RAP1GAP2: variants seen among roughly 807,000 people sequenced by gnomAD.
RAP1GAP2 encodes RAP1 GTPase activating protein 2, also known as rap1 GTPase-activating protein 2.
A neutral mutation model predicts 95.0 loss-of-function variants in RAP1GAP2; 27 were observed. The ratio of observed to expected loss-of-function variants is 0.28; its 90% CI spans 0.21 to 0.39. The LOEUF is 0.39. Ranked by LOEUF, RAP1GAP2 falls within the 10% of genes least tolerant of loss-of-function variation. RAP1GAP2 has a pLI of 1.00. For missense variants in RAP1GAP2, 771 were observed against 970.0 expected (o/e 0.79, Z 2.72); for synonymous variants, 373 against 380.9 (o/e 0.98, Z 0.24).
chr17:3,002,296 A>T (rs1286227373), intron 14 of RAP1GAP2, among the ~76,000 whole-genome samples: 1 of 152,184 alleles, frequency 6.6e-6, no homozygotes, highest in East Asian at 1.9e-4. Flanking sequence ...AAAGCACAGC[A>T]TTGTCCTCAG....
chr17:2,766,604 C>G (rs1166726082), intron 1 of RAP1GAP2, among the ~76,000 whole-genome samples: 1 of 150,756 alleles, frequency 6.6e-6, no homozygotes, highest in East Asian at 1.9e-4. Context: ...AGAAAGACTC[C>G]GTCTAAAAAA....
At chr17:2,907,399 G>C (rs1000667729) in intron 3 of RAP1GAP2, among the ~76,000 whole-genome samples, 2 of 152,202 alleles carry the variant, frequency 1.3e-5, no homozygotes, top group Non-Finnish European at 2.9e-5. Flanking sequence ...TGGGGACCTT[G>C]TAGTAAACCA....
chr17:2,884,290 G>A (rs531124698), intron 2 of RAP1GAP2, among the ~76,000 whole-genome samples: 2 of 151,856 alleles, frequency 1.3e-5, no homozygotes, highest in African/African-American at 4.8e-5. Context: ...TTCATTCTTT[G>A]CTTCTTCAAT....
At chr17:2,775,873 T>C (rs2068487279), upstream of RAP1GAP2, among the ~76,000 whole-genome samples, 1 of 152,112 alleles carries the variant, frequency 6.6e-6, no homozygotes, top group Non-Finnish European at 1.5e-5. Context: ...GGGATGTCTA[T>C]GGAGTGCATG....
intron 2 of RAP1GAP2, among the ~76,000 whole-genome samples, chr17:2,898,293 G>C (rs1345450206): frequency 1.3e-5 from 2 of 152,152 alleles, no homozygotes; most frequent in Non-Finnish European, 2.9e-5. Flanking sequence ...TGCTGGGATG[G>C]GCTGTGACCC....
At chr17:2,781,344 G>A (rs1440625784) in intron 1 of RAP1GAP2, among the ~76,000 whole-genome samples, 4 of 152,254 alleles carry the variant, frequency 2.6e-5, no homozygotes, top group Admixed American at 2.0e-4. Context: ...GAGCAGGAGG[G>A]GAGAGACAGG....
At position 2,877,548 on chromosome 17, in the gene RAP1GAP2, G is replaced by A. The variant is rs371908838; in HGVS notation, c.81-27736G>A. The stretch of plus-strand genomic sequence containing the variant: ...GGATCACCTGAGGTCAGGAGTTCAA[G>A]ACCAGCCTGGCCAACATGGTGAAAC... On this transcript the variant is annotated intron_variant, in intron 2 of 24. Coordinates refer to ENST00000254695, the MANE Select transcript of RAP1GAP2 (RefSeq NM_015085.5). Among the ~76,000 whole-genome samples the A allele has an allele frequency of 1.5e-4, 23 of 152,220 alleles. No individual in the cohort carries two copies. The East Asian group carries it at 3.7e-3, about 24-fold the overall frequency.
chr17:2,927,291 C>T (rs993563432), intron 3 of RAP1GAP2, among the ~76,000 whole-genome samples: 1,793 of 152,022 alleles, frequency 0.012, 15 homozygotes, highest in Non-Finnish European at 0.019. Flanking sequence ...GTAGCTGGGA[C>T]TACAGGCACC....
chr17:2,826,432 C>T (rs779384066), intron 2 of RAP1GAP2, among the ~76,000 whole-genome samples: 21 of 151,894 alleles, frequency 1.4e-4, no homozygotes, highest in Non-Finnish European at 2.5e-4. Flanking sequence ...CAGCCAGAGG[C>T]GAGGGTGGGG....
intron 3 of RAP1GAP2, among the ~76,000 whole-genome samples, chr17:2,927,223 G>A (rs1050168023): frequency 6.6e-5 from 10 of 150,944 alleles, no homozygotes; most frequent in South Asian, 2.1e-4. Flanking sequence ...GCGCGATCTC[G>A]GCTCACTGCA....
At position 2,822,627 on chromosome 17, in the gene RAP1GAP2, G is replaced by GTT. The variant is rs66503004; in HGVS notation, c.80+22099_80+22100dup. ...GGACAATAAAACCCTGTTTTTTTTT[G>GTT]TTTTTTTTTTTTTTTTTTTTTTTAA... On this transcript the variant is annotated intron_variant, in intron 2 of 24. Coordinates refer to ENST00000254695, the MANE Select transcript of RAP1GAP2 (RefSeq NM_015085.5). Among the ~76,000 whole-genome samples, 29 of 127,866 alleles carry GTT rather than the reference G, an allele frequency of 2.3e-4. 1 individual carries two copies. Among genetic ancestry groups the GTT allele is most frequent in the East Asian group, 2.1e-3 (8 of 3,810 alleles). The allele number at this position is 127,866 out of a possible 152,430, so 83.9% of individuals were successfully genotyped here. A position where few individuals can be genotyped will look rare whatever the true frequency, so the allele number is the denominator to read the frequency against.
chr17:2,979,378 C>T (rs2045257123), intron 8 of RAP1GAP2, among the ~76,000 whole-genome samples: 1 of 151,974 alleles, frequency 6.6e-6, no homozygotes. Context: ...ACACAAAAAC[C>T]TCCAAACAAA....
At chr17:2,862,042 A>G (rs2072418244) in intron 2 of RAP1GAP2, among the ~76,000 whole-genome samples, 1 of 152,046 alleles carries the variant, frequency 6.6e-6, no homozygotes, top group Admixed American at 6.6e-5. Context: ...TTCCTTCTGG[A>G]AGAGATTTTG....
intron 17 of RAP1GAP2, among the ~76,000 whole-genome samples, chr17:3,015,341 A>G (rs1567898702): frequency 1.3e-5 from 2 of 152,188 alleles, no homozygotes; most frequent in South Asian, 2.1e-4. Flanking sequence ...CCGGTTTACA[A>G]ATGGCCCTCC....
At chr17:2,835,457 G>A (rs2071088789) in intron 2 of RAP1GAP2, among the ~76,000 whole-genome samples, 1 of 152,214 alleles carries the variant, frequency 6.6e-6, no homozygotes, top group Non-Finnish European at 1.5e-5. Flanking sequence ...CTGACCTCAG[G>A]TGATCCGCCT....
At chr17:2,984,894 C>T in intron 10 of RAP1GAP2, 89 bp from the exon 11 acceptor site, 1 of 1,569,108 alleles carries the variant, frequency 6.4e-7, no homozygotes. Context: ...CATTCTCTCC[C>T]CAAATGGATG....
chr17:2,774,480 GTTTT>G (rs5818875), upstream of RAP1GAP2, among the ~76,000 whole-genome samples: 24 of 99,420 alleles, frequency 2.4e-4, no homozygotes, highest in East Asian at 1.3e-3. Context: ...CCCTGCTATC[GTTTT>G]TTTTTTTTTT....
intron 2 of RAP1GAP2, among the ~76,000 whole-genome samples, chr17:2,823,016 G>A (rs552240375): frequency 1.5e-4 from 23 of 152,270 alleles, no homozygotes; most frequent in African/African-American, 5.5e-4. Context: ...AGGGAGTGCT[G>A]CTTCCTTGGG....
intron 2 of RAP1GAP2, among the ~76,000 whole-genome samples, chr17:2,809,892 GT>G (rs773753553): frequency 2.6e-5 from 4 of 152,182 alleles, no homozygotes; most frequent in Non-Finnish European, 4.4e-5. Context: ...CGACGCTGGT[GT>G]CTGGGAGCGG....
Sources: gnomAD v4.1 joint callset for allele counts (sites outside exome capture counted in the v4.1 genomes callset) on GRCh38, gnomAD v4.1.1 for gene constraint, MANE v1.5 for transcripts, NCBI Gene and HGNC (gene_info 2026-07-23, HGNC 2026-07-21) for gene names.